Variants in MCRIP1 observed in about 807,000 individuals in gnomAD.
The protein encoded by MCRIP1 is MAPK regulated corepressor interacting protein 1, also known as mapk-regulated corepressor-interacting protein 1.
Under a neutral mutation model 14.4 loss-of-function variants are expected in MCRIP1, and 10 were observed. The observed-to-expected ratio is 0.70, with a 90% CI of 0.43 to 1.18. MCRIP1 has a LOEUF of 1.18. Among genes scored for constraint, MCRIP1 ranks in the 50% most tolerant of loss-of-function variants. The pLI is 0.00. For synonymous variants in MCRIP1, 53 were observed against 55.7 expected (o/e 0.95, Z 0.21); for missense variants, 119 against 135.4 (o/e 0.88, Z 0.60).
intron 1 of MCRIP1, among the ~76,000 whole-genome samples, chr17:81,827,121 G>GA (rs1251478457): frequency 2.1e-3 from 242 of 113,260 alleles, no homozygotes; most frequent in Middle Eastern, 5.3e-3. Flanking sequence ...CCGTCTAAAA[G>GA]AAAAAAAAAA....
intron 1 of MCRIP1, among the ~76,000 whole-genome samples, chr17:81,831,058 G>A (rs1274473410): frequency 6.6e-6 from 1 of 151,766 alleles, no homozygotes; most frequent in Non-Finnish European, 1.5e-5. Flanking sequence ...TGTAGTCCCA[G>A]CTACTTGGGA....
chr17:81,829,547 T>C (rs767955794), intron 1 of MCRIP1, among the ~76,000 whole-genome samples: 2 of 152,248 alleles, frequency 1.3e-5, no homozygotes, highest in Non-Finnish European at 2.9e-5. Context: ...TTTTAACATC[T>C]TTGAAACTGG....
intron 1 of MCRIP1, among the ~76,000 whole-genome samples, chr17:81,830,014 G>A (rs1474247907): frequency 6.6e-6 from 1 of 152,214 alleles, no homozygotes; most frequent in Non-Finnish European, 1.5e-5. Context: ...AGGACTACCT[G>A]CCACCAGCCA....
chr17:81,823,360 A>C lies in MCRIP1; in HGVS notation c.230-49T>G. ...TGGTGGGCACAGGCCCCTCCTGCCC[A>C]TGAGGCCCGGCCTGCCGGCCCAGCC... On this transcript the variant is annotated intron_variant, in intron 4 of 4. Coordinates refer to ENST00000455127, the MANE Select transcript of MCRIP1 (RefSeq NM_207368.5). This position sits in a 1 kb window ranked among gnomAD's most constrained non-coding sequence, Gnocchi z 6.0. 1 of 1,536,340 alleles carries C rather than the reference A, an allele frequency of 6.5e-7. No individual in the cohort carries two copies. The highest frequency in any genetic ancestry group is 8.7e-7 in the Non-Finnish European group (1 of 1,146,494).
chr17:81,825,774 C>CA, intron 1 of MCRIP1: 1 of 1,289,456 alleles, frequency 7.8e-7, no homozygotes, highest in South Asian at 1.2e-5. Flanking sequence ...CCAGTTTGCT[C>CA]ACAAAGTCAC....
chr17:81,822,641 C>T lies in MCRIP1; in HGVS notation c.*606G>A, dbSNP rs1462583770. On this transcript the variant is annotated 3_prime_UTR_variant, in exon 5 of 5. Coordinates refer to ENST00000455127, the MANE Select transcript of MCRIP1 (RefSeq NM_207368.5). ...GCCAGGCCTGGTTGCTGGGGACCCCCTTGGGGGGCCCGGCAGTATCCTAGG... is the reference window on the plus strand; with the variant it reads ...GCCAGGCCTGGTTGCTGGGGACCCCTTTGGGGGGCCCGGCAGTATCCTAGG... The T allele has an allele frequency of 1.3e-5, 2 of 155,218 alleles. No individual in the cohort carries two copies. The highest frequency in any genetic ancestry group is 3.8e-4 in the East Asian group (2 of 5,230). The allele number at this position is 155,218 out of a possible 1,614,324, so 9.6% of individuals were successfully genotyped here.
chr17:81,826,866 TC>T, intron 1 of MCRIP1, among the ~76,000 whole-genome samples: 1 of 134,030 alleles, frequency 7.5e-6, no homozygotes, highest in African/African-American at 2.8e-5. Flanking sequence ...ACGCCTGTAA[TC>T]CCAGCACTTT....
chr17:81,824,487 C>T lies in MCRIP1; in HGVS notation c.8+12G>A, dbSNP rs1168533954. The T allele has an allele frequency of 6.5e-7, 1 of 1,536,098 alleles. No individual in the cohort carries two copies. The highest frequency in any genetic ancestry group is 1.4e-5 in the African/African-American group (1 of 73,034). On this transcript the variant is annotated intron_variant, in intron 2 of 4. Coordinates refer to ENST00000455127, the MANE Select transcript of MCRIP1 (RefSeq NM_207368.5). ...GCCCCGGTGGAGACCAGCCCACCTGCCTGAGACCCACCTGGTCATCGCGGG... is the reference window on the plus strand; with the variant it reads ...GCCCCGGTGGAGACCAGCCCACCTGTCTGAGACCCACCTGGTCATCGCGGG...
intron 1 of MCRIP1, among the ~76,000 whole-genome samples, chr17:81,832,449 T>C (rs2038538847): frequency 6.6e-6 from 1 of 152,192 alleles, no homozygotes; most frequent in African/African-American, 2.4e-5. Flanking sequence ...CTGTTGGCTC[T>C]TCCTTCACGT....
chr17:81,822,883 G>A lies in MCRIP1; in HGVS notation c.*364C>T, dbSNP rs1598246701. 1 of 418,246 alleles carries A rather than the reference G, an allele frequency of 2.4e-6. No individual in the cohort carries two copies. The highest frequency in any genetic ancestry group is 4.4e-6 in the Non-Finnish European group (1 of 227,660). 25.9% of individuals were successfully genotyped at this position (418,246 alleles called of 1,614,324 possible). A position where few individuals can be genotyped will look rare whatever the true frequency, so the allele number is the denominator to read the frequency against. On this transcript the variant is annotated 3_prime_UTR_variant, in exon 5 of 5. Coordinates refer to ENST00000455127, the MANE Select transcript of MCRIP1 (RefSeq NM_207368.5). ...TCCCAGCAGCCTGGGAGGCAGCAGAGGCTCCTTCTTCTCCCCTCCTGATCC... is the reference window on the plus strand; with the variant it reads ...TCCCAGCAGCCTGGGAGGCAGCAGAAGCTCCTTCTTCTCCCCTCCTGATCC...
At chr17:81,825,967 GC>G in intron 1 of MCRIP1, 1 of 1,319,888 alleles carries the variant, frequency 7.6e-7, no homozygotes, top group Non-Finnish European at 9.9e-7. Context: ...AGACTGGCCA[GC>G]CCCCTGCCTC....
intron 1 of MCRIP1, chr17:81,825,308 G>A: frequency 1.8e-6 from 2 of 1,132,464 alleles, no homozygotes; most frequent in South Asian, 1.9e-5. Flanking sequence ...TTGAGGCTCA[G>A]ACGCTCACAC....
intron 1 of MCRIP1, among the ~76,000 whole-genome samples, chr17:81,832,583 C>G (rs1018741401): frequency 1.3e-5 from 2 of 152,260 alleles, no homozygotes; most frequent in African/African-American, 4.8e-5. Flanking sequence ...TCCTACTCAT[C>G]CTTGGGGATC....
Position 81,823,544 on chromosome 17 carries a change from C to A in MCRIP1, c.128-31G>T. The A allele has an allele frequency of 1.3e-6, 2 of 1,522,572 alleles. No homozygotes were observed. Among genetic ancestry groups the A allele is most frequent in the Non-Finnish European group, 1.8e-6 (2 of 1,135,456 alleles). 94.3% of individuals were successfully genotyped at this position (1,522,572 alleles called of 1,614,324 possible). A position where few individuals can be genotyped will look rare whatever the true frequency, so the allele number is the denominator to read the frequency against. ...GAGGCAGAGAGTGGTGTGCTCAGGGCCCCCTGCCCCAGGGGGTGGCATCCA... is the reference window on the plus strand; with the variant it reads ...GAGGCAGAGAGTGGTGTGCTCAGGGACCCCTGCCCCAGGGGGTGGCATCCA... On this transcript the variant is annotated intron_variant, in intron 3 of 4. Transcript: ENST00000455127. The surrounding 1 kb of genome is among the most constrained non-coding windows in gnomAD (Gnocchi z 6.0).
At chr17:81,825,847 G>C (rs576327833) in intron 1 of MCRIP1, 1 of 1,289,770 alleles carries the variant, frequency 7.8e-7, no homozygotes, top group Admixed American at 2.3e-5. Flanking sequence ...TCCAGCCCAC[G>C]AACACCAGAG....
rs944556992 is a variant in MCRIP1 at position 81,823,700 on chromosome 17, T to C, written c.128-187A>G. The C allele has an allele frequency of 8.4e-5, 52 of 615,474 alleles. 1 individual carries two copies. In the Middle Eastern group the frequency reaches 1.3e-3, roughly 15 times the overall value. The allele number at this position is 615,474 out of a possible 1,614,324, so 38.1% of individuals were successfully genotyped here. On this transcript the variant is annotated intron_variant, in intron 3 of 4. Transcript: ENST00000455127. The surrounding 1 kb of genome is among the most constrained non-coding windows in gnomAD (Gnocchi z 6.0). ...CACCTGCAGACCCCGTCCCCGCTCC[T>C]CTGGCAGGCCTGTCCCTTCCCCGCA... is the stretch of plus-strand genomic sequence containing the variant.
chr17:81,832,447 TCTTC>T (rs1400367291), intron 1 of MCRIP1, among the ~76,000 whole-genome samples: 2 of 152,148 alleles, frequency 1.3e-5, no homozygotes, highest in African/African-American at 4.8e-5. Context: ...CCCTGTTGGC[TCTTC>T]CTTCACGTCC....
In MCRIP1 at chr17:81,823,621, C is replaced by A; in HGVS notation, c.128-108G>T. On this transcript the variant is annotated intron_variant, in intron 3 of 4. Transcript: ENST00000455127. The surrounding 1 kb of genome is among the most constrained non-coding windows in gnomAD (Gnocchi z 6.0). Reference sequence around the variant, plus strand: ...CCTGCCCTCCCAGATCCTCTTCTCCCTCAGAAGTGTCCTCCATGCTCCCCC... The same window carrying A: ...CCTGCCCTCCCAGATCCTCTTCTCCATCAGAAGTGTCCTCCATGCTCCCCC... 3.3e-6 allele frequency: 3 copies of A among 910,230 alleles called. No homozygotes were observed. The South Asian group carries it at 4.6e-5, about 14-fold the overall frequency. 56.4% of individuals were successfully genotyped at this position (910,230 alleles called of 1,614,324 possible). A position where few individuals can be genotyped will look rare whatever the true frequency, so the allele number is the denominator to read the frequency against.
chr17:81,831,459 A>G (rs560897638), intron 1 of MCRIP1, among the ~76,000 whole-genome samples: 1 of 152,168 alleles, frequency 6.6e-6, no homozygotes, highest in South Asian at 2.1e-4. Context: ...CAAGAATGAA[A>G]CAACTCTTCT....
Sources: gnomAD v4.1 joint callset for allele counts (sites outside exome capture counted in the v4.1 genomes callset) on GRCh38, gnomAD v4.1.1 for gene constraint, Gnocchi (gnomAD v3.1) non-coding constraint, MANE v1.5 for transcripts, NCBI Gene and HGNC (gene_info 2026-07-23, HGNC 2026-07-21) for gene names.